RNF17: variants seen among roughly 807,000 people sequenced by gnomAD.
RNF17 encodes the protein spermatogenesis associated 23.
In RNF17, 31 loss-of-function variants were observed where a neutral mutation model predicts 200.5. The ratio of observed to expected loss-of-function variants is 0.15; its 90% CI spans 0.12 to 0.21. The LOEUF is 0.21. Among genes scored for constraint, RNF17 ranks in the 10% least tolerant of loss-of-function variants. The pLI is 1.00. For missense variants in RNF17, 1,628 were observed against 1,905.1 expected, an observed-to-expected ratio of 0.85 and a Z score of 2.71; for synonymous variants, 606 against 637.8, an observed-to-expected ratio of 0.95 and a Z score of 0.75.
At chr13:24,758,351 C>T in the RNF17 span, among the ~76,000 whole-genome samples, 2 of 152,120 alleles carry the variant, frequency 1.3e-5, no homozygotes, top group Non-Finnish European at 2.9e-5. Context: ...CGTTATCATG[C>T]TAAATATAAA....
the RNF17 span, among the ~76,000 whole-genome samples, chr13:24,749,129 C>T: frequency 6.6e-6 from 1 of 152,032 alleles, no homozygotes; most frequent in Non-Finnish European, 1.5e-5. Flanking sequence ...CCCTTAAGTT[C>T]ATCTATTTTT....
At chr13:24,817,393 G>C (rs1048419453) in intron 15 of RNF17, among the ~76,000 whole-genome samples, 33 of 152,056 alleles carry the variant, frequency 2.2e-4, no homozygotes, top group African/African-American at 6.5e-4. Context: ...CAGTTTGTTG[G>C]CATACAATTG....
upstream of RNF17, among the ~76,000 whole-genome samples, chr13:24,761,177 G>T (rs1472804133): frequency 6.6e-6 from 1 of 151,650 alleles, no homozygotes; most frequent in Non-Finnish European, 1.5e-5. Flanking sequence ...ATTCTGGCTT[G>T]GTGTTATTCT....
the RNF17 span, chr13:24,885,634 C>A: frequency 2.5e-6 from 4 of 1,612,788 alleles, no homozygotes; most frequent in Non-Finnish European, 3.4e-6. Flanking sequence ...GCCTAAATCA[C>A]GAGGAGGTGC....
chr13:24,786,968 G>A (rs1883192226), intron 6 of RNF17, among the ~76,000 whole-genome samples: 1 of 151,956 alleles, frequency 6.6e-6, no homozygotes. Context: ...GCTTGATAGT[G>A]ACTCACAAGT....
chr13:24,771,325 T>TTTTTC (rs1384990574), intron 2 of RNF17, among the ~76,000 whole-genome samples: 5 of 35,950 alleles, frequency 1.4e-4, no homozygotes, highest in Non-Finnish European at 2.6e-4. Context: ...CAGATAATCT[T>TTTTTC]TTTTTTTTTT....
chr13:24,760,917 G>A (rs948851782), upstream of RNF17, among the ~76,000 whole-genome samples: 14 of 152,090 alleles, frequency 9.2e-5, no homozygotes, highest in African/African-American at 3.1e-4. Flanking sequence ...AAACCACAAT[G>A]AGAAATTACA....
At chr13:24,858,575 G>GATATAT (rs397770900) in intron 25 of RNF17, among the ~76,000 whole-genome samples, 24,597 of 143,056 alleles carry the variant, frequency 0.17, 2,169 homozygotes, top group South Asian at 0.21. Context: ...ATCAGTTATG[G>GATATAT]ATATATATAT....
At chr13:24,796,939 T>C (rs1267202445) in intron 11 of RNF17, among the ~76,000 whole-genome samples, 2 of 152,196 alleles carry the variant, frequency 1.3e-5, no homozygotes, top group African/African-American at 4.8e-5. Context: ...ACAGAAAGTG[T>C]TTATCTGTCT....
chr13:24,763,369 A>ATTTTTTTTTTTTTTTT (rs34750040), upstream of RNF17, among the ~76,000 whole-genome samples: 1 of 114,710 alleles, frequency 8.7e-6, no homozygotes, highest in Non-Finnish European at 1.7e-5. Flanking sequence ...CGTCCGGCTA[A>ATTTTTTTTTTTTTTTT]TTTTTTTTTT....
chr13:24,883,846 G>T, downstream of RNF17: 1 of 1,110,956 alleles, frequency 9.0e-7, no homozygotes, highest in South Asian at 1.3e-5. Flanking sequence ...CATTCAAACT[G>T]AACCCCCTAA....
intron 15 of RNF17, among the ~76,000 whole-genome samples, chr13:24,818,075 ATGTTT>A (rs1887607927): frequency 6.6e-6 from 1 of 151,874 alleles, no homozygotes; most frequent in Non-Finnish European, 1.5e-5. Flanking sequence ...TGAGTTTGGT[ATGTTT>A]TGTTTTCATA....
At chr13:24,824,446 A>G (rs920557202) in intron 15 of RNF17, 1 of 359,438 alleles carries the variant, frequency 2.8e-6, no homozygotes, top group Non-Finnish European at 4.9e-6. Context: ...TTTCACTTGC[A>G]TCATTATACT....
At chr13:24,838,181 A>G (rs1163169679) in intron 18 of RNF17, among the ~76,000 whole-genome samples, 1 of 152,210 alleles carries the variant, frequency 6.6e-6, no homozygotes, top group Non-Finnish European at 1.5e-5. Flanking sequence ...ACAAGCAGCA[A>G]AATTGAAATG....
chr13:24,861,259 G>C lies in RNF17; in HGVS notation c.3775-9G>C. ...ATTTTAACTATAAATTGTATTTGTC[G>C]TGTTTCAGGTACAATATTTAGATCA... On this transcript the variant is annotated splice_polypyrimidine_tract_variant and intron_variant, in intron 26 of 35. Transcript: ENST00000255324. The C allele has an allele frequency of 6.4e-7, 1 of 1,573,064 alleles. No individual in the cohort carries two copies. The highest frequency in any genetic ancestry group is 8.7e-7 in the Non-Finnish European group (1 of 1,154,454).
intron 15 of RNF17, among the ~76,000 whole-genome samples, chr13:24,823,450 A>G (rs570434942): frequency 2.7e-5 from 4 of 150,632 alleles, no homozygotes; most frequent in African/African-American, 9.7e-5. Flanking sequence ...ATTCCTTGTC[A>G]TGTATGATCA....
intron 15 of RNF17, among the ~76,000 whole-genome samples, chr13:24,810,959 G>A (rs1425324854): frequency 3.3e-5 from 5 of 151,564 alleles, no homozygotes; most frequent in Admixed American, 6.6e-5. Context: ...TAAGAATGTT[G>A]AATATTGGCC....
Position 24,847,359 on chromosome 13 carries a change from T to G in RNF17, c.3101+2280T>G, listed in dbSNP as rs1009150569. ...TTTATTTATTTATTTATTTTTTTTTTTTTTGAGACAGAGTCTCCCTCTGTT... is the reference window on the plus strand; with the variant it reads ...TTTATTTATTTATTTATTTTTTTTTGTTTTGAGACAGAGTCTCCCTCTGTT... On this transcript the variant is annotated intron_variant, in intron 22 of 35. Transcript: ENST00000255324. Among the ~76,000 whole-genome samples, 415 of 151,730 alleles carry G rather than the reference T, an allele frequency of 2.7e-3. 5 individuals are homozygous for G. The highest frequency in any genetic ancestry group is 9.7e-3 in the African/African-American group (400 of 41,386).
chr13:24,837,177 C>T (rs929632567), intron 18 of RNF17, among the ~76,000 whole-genome samples: 8 of 152,142 alleles, frequency 5.3e-5, no homozygotes, highest in African/African-American at 1.9e-4. Context: ...GAAAGTATCA[C>T]AGTCTTAAAC....
Sources: allele counts gnomAD v4.1 joint callset (sites outside exome capture counted in the v4.1 genomes callset), GRCh38; gene constraint gnomAD v4.1.1; transcripts MANE v1.5; gene names NCBI Gene and HGNC (gene_info 2026-07-23, HGNC 2026-07-21).